Variants in DNM2 observed in about 807,000 individuals in gnomAD.
The protein encoded by DNM2 is dynamin-2.
Under a neutral mutation model 99.0 loss-of-function variants are expected in DNM2, and 15 were observed. The ratio of observed to expected loss-of-function variants is 0.15; its 90% confidence interval spans 0.10 to 0.23. The LOEUF (loss-of-function observed/expected upper bound fraction) is 0.23. Among genes scored for constraint, DNM2 ranks in the 10% least tolerant of loss-of-function variants. The pLI, the probability that DNM2 is intolerant of heterozygous loss-of-function variation, is 1.00. For synonymous variants in DNM2, 525 were observed against 481.2 expected, an observed-to-expected ratio of 1.09 and a Z score of -1.19; for missense variants, 742 against 1,189.4, an observed-to-expected ratio of 0.62 and a Z score of 5.53.
intron 7 of DNM2, among the ~76,000 whole-genome samples, chr19:10,790,910 A>G (rs1162533631): frequency 6.6e-6 from 1 of 152,048 alleles, no homozygotes; most frequent in Non-Finnish European, 1.5e-5. Flanking sequence ...GGAATAATAC[A>G]GGTATGCGCC....
In DNM2 at chr19:10,775,649, T is replaced by A; in HGVS notation, c.386-54T>A. ...GTCAGCTGGGTGGCTGCGGGCCTGT[T>A]TGTGCCTCCCCTCTCCTGGCTCTGA... is the stretch of plus-strand genomic sequence containing the variant. On this transcript the variant is annotated intron_variant, in intron 3 of 20. Coordinates refer to ENST00000389253, the MANE Select transcript of DNM2 (RefSeq NM_001005361.3). The surrounding 1 kb of genome is among the most constrained non-coding windows in gnomAD (Gnocchi z 4.3). The A allele has an allele frequency of 2.5e-6, 4 of 1,608,370 alleles. No homozygotes were observed. The South Asian group carries it at 3.3e-5, about 13-fold the overall frequency.
At chr19:10,828,959 A>G in intron 18 of DNM2, 77 bp from the exon 19 acceptor site, 1 of 1,459,204 alleles carries the variant, frequency 6.9e-7, no homozygotes, top group Non-Finnish European at 9.4e-7. Context: ...CCTGTGAGAG[A>G]TGTTTTTCCA....
intron 1 of DNM2, among the ~76,000 whole-genome samples, chr19:10,731,977 G>A (rs1285325938): frequency 6.8e-6 from 1 of 147,648 alleles, no homozygotes; most frequent in African/African-American, 2.5e-5. Context: ...TTTTTGAGAC[G>A]GAGTTTCGCT....
At position 10,764,829 on chromosome 19, in the gene DNM2, ACTGTGCTGCCTGC is replaced by A. The variant is rs1168051934; in HGVS notation, c.235+5022_235+5034del. On this transcript the variant is annotated intron_variant, in intron 2 of 20. Transcript: ENST00000389253. This position sits in a 1 kb window ranked among gnomAD's most constrained non-coding sequence, Gnocchi z 4.1. ...TTCCCACTGCTTGGCCTCTGTGCTCACTGTGCTGCCTGCCTGGAACGCCCTGTTCCCTACCTGC... is the reference window on the plus strand; with the variant it reads ...TTCCCACTGCTTGGCCTCTGTGCTCACTGGAACGCCCTGTTCCCTACCTGC... 2.0e-5 allele frequency among the ~76,000 whole-genome samples: 3 copies of A among 151,950 alleles called. No homozygotes were observed. Among genetic ancestry groups the A allele is most frequent in the Non-Finnish European group, 4.4e-5 (3 of 67,978 alleles).
chr19:10,801,022 C>T (rs1468857116), intron 11 of DNM2, among the ~76,000 whole-genome samples: 2 of 152,226 alleles, frequency 1.3e-5, no homozygotes, highest in South Asian at 2.1e-4. Flanking sequence ...AAAGACTTTA[C>T]AGGCTGGACA....
rs1012160546 is a variant in DNM2, at chr19:10,820,922, C to T, written c.1781+833C>T. 3.9e-5 allele frequency among the ~76,000 whole-genome samples: 6 copies of T among 152,216 alleles called. No individual in the cohort carries two copies. The highest frequency in any genetic ancestry group is 7.3e-5 in the Non-Finnish European group (5 of 68,038). The stretch of plus-strand genomic sequence containing the variant: ...GCTGGAGACTTTAGCAGAGACACTG[C>T]TCTCAGGAAGAAACCCAGCTGGCAG... On this transcript the variant is annotated intron_variant, in intron 16 of 20. Coordinates refer to ENST00000389253, the MANE Select transcript of DNM2 (RefSeq NM_001005361.3). The surrounding 1 kb of genome is among the most constrained non-coding windows in gnomAD (Gnocchi z 4.3).
rs1003840180 is a variant in DNM2 at position 10,816,720 on chromosome 19, T to C, written c.1672-3260T>C. Among the ~76,000 whole-genome samples, 3 of 152,154 alleles carry C rather than the reference T, an allele frequency of 2.0e-5. No individual in the cohort carries two copies. The highest frequency in any genetic ancestry group is 4.4e-5 in the Non-Finnish European group (3 of 68,016). On this transcript the variant is annotated intron_variant, in intron 15 of 20. Coordinates refer to ENST00000389253, the MANE Select transcript of DNM2 (RefSeq NM_001005361.3). The surrounding 1 kb of genome is among the most constrained non-coding windows in gnomAD (Gnocchi z 4.6). ...GCTGTGGGGACCTTCCAGGGTCCCC[T>C]GGGTGGGAATGCCAGGCCTGGGGCA...
At chr19:10,829,906 C>G (rs2073274073) in intron 19 of DNM2, among the ~76,000 whole-genome samples, 1 of 152,128 alleles carries the variant, frequency 6.6e-6, no homozygotes, top group Non-Finnish European at 1.5e-5. Flanking sequence ...GAGGGTGGAT[C>G]CCAGGCCCAA....
intron 1 of DNM2, among the ~76,000 whole-genome samples, chr19:10,746,669 C>T (rs1387273041): frequency 6.6e-6 from 1 of 151,408 alleles, no homozygotes; most frequent in Non-Finnish European, 1.5e-5. Flanking sequence ...ATCTACCTGC[C>T]TCGGTCTCCC....
intron 5 of DNM2, chr19:10,781,723 TG>T (rs1348649050): frequency 6.6e-6 from 1 of 152,196 alleles, no homozygotes. Context: ...CACTTCAGCC[TG>T]GGCAGCAAGA....
rs577160054 is a variant in DNM2 at position 10,739,239 on chromosome 19, C to A, written c.162-20499C>A. 4.6e-5 allele frequency among the ~76,000 whole-genome samples: 7 copies of A among 152,316 alleles called. No individual in the cohort carries two copies. The East Asian group carries it at 1.3e-3, about 29-fold the overall frequency. ...TCTTCTATGGGGACATGGGGAACTC[C>A]TGTACTGTTTTATTTTCCTGAAATA... On this transcript the variant is annotated intron_variant, in intron 1 of 20. Transcript: ENST00000389253.
rs1017798006 is a variant in DNM2 at position 10,811,875 on chromosome 19, C to T, written c.1558-389C>T. 2.0e-6 allele frequency: 1 copy of T among 494,028 alleles called. No individual in the cohort carries two copies. Among genetic ancestry groups the T allele is most frequent in the East Asian group, 5.8e-5 (1 of 17,138 alleles). The allele number at this position is 494,028 out of a possible 1,614,324, so 30.6% of individuals were successfully genotyped here. A position where few individuals can be genotyped will look rare whatever the true frequency, so the allele number is the denominator to read the frequency against. ...CTGGGCTCACACCTTTGACCCTAGC[C>T]CTCTGTGTGGATGCTACCCTTGGAA... On this transcript the variant is annotated intron_variant, in intron 14 of 20. Coordinates refer to ENST00000389253, the MANE Select transcript of DNM2 (RefSeq NM_001005361.3). This position sits in a 1 kb window ranked among gnomAD's most constrained non-coding sequence, Gnocchi z 5.4.
chr19:10,785,964 A>G (rs773536616), intron 6 of DNM2, among the ~76,000 whole-genome samples: 2 of 151,514 alleles, frequency 1.3e-5, no homozygotes, highest in African/African-American at 4.9e-5. Flanking sequence ...ACACCGAGAT[A>G]ATTTTTGTAT....
At chr19:10,823,599 C>T (rs921818232) in intron 16 of DNM2, 189 bp from the exon 17 acceptor site, 6 of 591,362 alleles carry the variant, frequency 1.0e-5, no homozygotes, top group South Asian at 3.9e-5. Context: ...AGACACTTGC[C>T]GAGCTTGTGC....
chr19:10,721,024 C>G (rs1330910513), intron 1 of DNM2, among the ~76,000 whole-genome samples: 1 of 152,070 alleles, frequency 6.6e-6, no homozygotes, highest in Non-Finnish European at 1.5e-5. Context: ...GGGTCTCTCT[C>G]CCATCCTTAC....
intron 16 of DNM2, among the ~76,000 whole-genome samples, chr19:10,821,712 G>C (rs542962873): frequency 6.6e-6 from 1 of 152,198 alleles, no homozygotes; most frequent in African/African-American, 2.4e-5. Context: ...TTTATTTTTA[G>C]TAGAGACGGG....
At chr19:10,791,476 C>T (rs2146000887) in intron 7 of DNM2, among the ~76,000 whole-genome samples, 1 of 152,304 alleles carries the variant, frequency 6.6e-6, no homozygotes, top group East Asian at 1.9e-4. Context: ...TGCAGTGACC[C>T]TGTTTCCAAA....
intron 3 of DNM2, among the ~76,000 whole-genome samples, chr19:10,774,823 CT>C (rs1055767820): frequency 1.4e-4 from 21 of 147,494 alleles, no homozygotes; most frequent in African/African-American, 4.8e-4. Context: ...GTTGGCCAAG[CT>C]GGAGTACAGT....
At chr19:10,822,540 C>T (rs943644127) in intron 16 of DNM2, among the ~76,000 whole-genome samples, 1 of 151,936 alleles carries the variant, frequency 6.6e-6, no homozygotes, top group African/African-American at 2.4e-5. Flanking sequence ...CACTCTGTCG[C>T]CCAGGCTGGA....
Sources: allele counts gnomAD v4.1 joint callset (sites outside exome capture counted in the v4.1 genomes callset), GRCh38; gene constraint gnomAD v4.1.1; non-coding constraint Gnocchi (gnomAD v3.1); transcripts MANE v1.5; gene names NCBI Gene and HGNC (gene_info 2026-07-23, HGNC 2026-07-21).